Variants in CSKMT observed in about 807,000 individuals in gnomAD.
The protein encoded by CSKMT is citrate synthase lysine methyltransferase, also known as citrate synthase-lysine N-methyltransferase CSKMT, mitochondrial.
A neutral mutation model predicts 4.6 loss-of-function variants in CSKMT; 6 were observed. That is an observed-to-expected ratio of 1.31 (90% CI 0.72 to 2.59). The LOEUF (loss-of-function observed/expected upper bound fraction) is 2.59. CSKMT is among the 30% of genes most tolerant of loss of function. The probability of loss-of-function intolerance (pLI) is 0.00; values close to 1 mark genes in which losing one functional copy is unlikely to be tolerated. For missense variants in CSKMT, 328 were observed against 298.0 expected (o/e 1.10, Z -0.74); for synonymous variants, 142 against 128.9 (o/e 1.10, Z -0.69).
At position 62,667,595 on chromosome 11, in the gene CSKMT, A is replaced by T. The variant is rs1237842935; in HGVS notation, c.*544A>T. 1 of 1,614,162 alleles carries T rather than the reference A, an allele frequency of 6.2e-7. No individual in the cohort carries two copies. Among genetic ancestry groups the T allele is most frequent in the Admixed American group, 1.7e-5 (1 of 60,004 alleles). Reference sequence around the variant, plus strand: ...CTTCTACAAACACGGGAGCCTGTTGAGTCCCAGAAGGGACAGTGGTTGGTG... The same window carrying T: ...CTTCTACAAACACGGGAGCCTGTTGTGTCCCAGAAGGGACAGTGGTTGGTG... On this transcript the variant is annotated 3_prime_UTR_variant, in exon 3 of 3. Coordinates refer to ENST00000532971, the MANE Select transcript of CSKMT (RefSeq NM_001043229.2).
chr11:62,667,580 C>T lies in CSKMT; in HGVS notation c.*529C>T. 1 of 1,614,124 alleles carries T rather than the reference C, an allele frequency of 6.2e-7. No homozygotes were observed. The highest frequency in any genetic ancestry group is 8.5e-7 in the Non-Finnish European group (1 of 1,180,030). On this transcript the variant is annotated 3_prime_UTR_variant, in exon 3 of 3. Coordinates refer to ENST00000532971, the MANE Select transcript of CSKMT (RefSeq NM_001043229.2). The stretch of plus-strand genomic sequence containing the variant: ...TATTCCACAAAGCCACTTCTACAAA[C>T]ACGGGAGCCTGTTGAGTCCCAGAAG...
rs544901596 is a variant in CSKMT, at chr11:62,666,682, C to T, written c.354C>T (p.Ser118=). The change falls in exon 3 of 3, where the codon AGC becomes AGT. Residue 118 remains serine, a synonymous_variant. Transcript: ENST00000532971. ...FSPVAVAHMN[S]LLEGGPGQTP... is the part of the protein sequence containing the mutation. ...CTGTGGCTGTGGCCCACATGAATAG[C>T]CTCCTGGAGGGTGGCCCAGGCCAAA... is the stretch of plus-strand genomic sequence containing the variant. The T allele has an allele frequency of 1.5e-4, 236 of 1,614,106 alleles. 1 individual carries two copies. The South Asian group carries it at 2.5e-3, about 17-fold the overall frequency.
chr11:62,666,620 C>G lies in CSKMT; in HGVS notation c.292C>G (p.Pro98Ala). ...ATGTACAGGCCTCTACACCAAATCT[C>G]CACACCCAGTGGATGTGCTGGGGGT... ...SLCTGLYTKSPHPVDVLGVDF... is the reference protein window; with the variant it reads ...SLCTGLYTKSAHPVDVLGVDF... Residue 98 changes from proline (P) to alanine (A), a missense_variant, in exon 3 of 3, where the codon CCA becomes GCA. Pro to Ala is a conservative substitution (Grantham distance 27). Transcript: ENST00000532971. 2 of 1,614,194 alleles carry G rather than the reference C, an allele frequency of 1.2e-6. No individual in the cohort carries two copies. Among genetic ancestry groups the G allele is most frequent in the Non-Finnish European group, 1.7e-6 (2 of 1,180,038 alleles).
chr11:62,665,360 A>C lies in CSKMT; in HGVS notation c.-234+28A>C, dbSNP rs1371699587. On this transcript the variant is annotated intron_variant, in intron 1 of 2. Coordinates refer to ENST00000532971, the MANE Select transcript of CSKMT (RefSeq NM_001043229.2). ...AAGTGTGGTTTTAGCTGTAGTAGCCAGATTGGGCGGCCGGGAGTGGTGGGG... is the reference window on the plus strand; with the variant it reads ...AAGTGTGGTTTTAGCTGTAGTAGCCCGATTGGGCGGCCGGGAGTGGTGGGG... 4.5e-6 allele frequency: 4 copies of C among 898,058 alleles called. No individual in the cohort carries two copies. The Admixed American group carries it at 6.7e-5, about 15-fold the overall frequency. 55.6% of individuals were successfully genotyped at this position (898,058 alleles called of 1,614,324 possible).
rs1259037516 is a variant in CSKMT at position 62,666,384 on chromosome 11, C to CTT, written c.68-12_68-11insTT. ...ACATAGACCAAGTGACACCCTCCAA[C>CTT]CGTGCCCACAGGCTCACTGGCTGAT... On this transcript the variant is annotated splice_polypyrimidine_tract_variant and intron_variant, in intron 2 of 2. Coordinates refer to ENST00000532971, the MANE Select transcript of CSKMT (RefSeq NM_001043229.2). The CTT allele has an allele frequency of 6.2e-7, 1 of 1,606,276 alleles. No individual in the cohort carries two copies. The highest frequency in any genetic ancestry group is 8.5e-7 in the Non-Finnish European group (1 of 1,179,974).
chr11:62,665,365 G>T (rs1450134378), intron 1 of CSKMT, 33 bp downstream of exon 1: 1 of 934,910 alleles, frequency 1.1e-6, no homozygotes, highest in Non-Finnish European at 1.6e-6. Flanking sequence ...TAGCCAGATT[G>T]GGCGGCCGGG....
Position 62,666,377 on chromosome 11 carries a change from C to T in CSKMT, c.68-19C>T, listed in dbSNP as rs1565127288. 3 of 1,604,794 alleles carry T rather than the reference C, an allele frequency of 1.9e-6. No individual in the cohort carries two copies. The highest frequency in any genetic ancestry group is 2.2e-5 in the East Asian group (1 of 44,890). ...AGTGGCGACATAGACCAAGTGACAC[C>T]CTCCAACCGTGCCCACAGGCTCACT... On this transcript the variant is annotated intron_variant, in intron 2 of 2. Transcript: ENST00000532971.
Position 62,667,183 on chromosome 11 carries a change from A to G in CSKMT, c.*132A>G. 2 of 925,682 alleles carry G rather than the reference A, an allele frequency of 2.2e-6. No individual in the cohort carries two copies. The highest frequency in any genetic ancestry group is 3.3e-6 in the Non-Finnish European group (2 of 615,038). The allele number at this position is 925,682 out of a possible 1,614,324, so 57.3% of individuals were successfully genotyped here. A position where few individuals can be genotyped will look rare whatever the true frequency, so the allele number is the denominator to read the frequency against. ...TCCACATTTACTAGCTGGGTGCCAT[A>G]TTGCTGAATGTTTCTGTTCCCCAGT... On this transcript the variant is annotated 3_prime_UTR_variant, in exon 3 of 3. Coordinates refer to ENST00000532971, the MANE Select transcript of CSKMT (RefSeq NM_001043229.2).
In CSKMT at chr11:62,668,029, C is replaced by T; in HGVS notation, c.*978C>T. ...AGCTGCAATGGGCCATGATAAGCTG[C>T]TGCACTTGAGCTAAAAATTAATTTC... On this transcript the variant is annotated 3_prime_UTR_variant, in exon 3 of 3. Transcript: ENST00000532971. The T allele has an allele frequency of 3.2e-6, 1 of 311,060 alleles. No homozygotes were observed. The highest frequency in any genetic ancestry group is 6.0e-6 in the Non-Finnish European group (1 of 167,592). The allele number at this position is 311,060 out of a possible 1,614,324, so 19.3% of individuals were successfully genotyped here.
At position 62,666,850 on chromosome 11, in the gene CSKMT, G is replaced by C. The variant is rs1217896764; in HGVS notation, c.522G>C (p.Leu174=). ...GTWDAVARGG[L]PRAYQLLSEC... ...GGGATGCTGTTGCCCGGGGAGGTCTGCCTAGGGCTTACCAGCTTCTATCAG... is the reference window on the plus strand; with the variant it reads ...GGGATGCTGTTGCCCGGGGAGGTCTCCCTAGGGCTTACCAGCTTCTATCAG... Residue 174 remains leucine (L), a synonymous_variant, in exon 3 of 3, where the codon CTG becomes CTC. Coordinates refer to ENST00000532971, the MANE Select transcript of CSKMT (RefSeq NM_001043229.2). 1 of 1,614,184 alleles carries C rather than the reference G, an allele frequency of 6.2e-7. No individual in the cohort carries two copies. The highest frequency in any genetic ancestry group is 8.5e-7 in the Non-Finnish European group (1 of 1,180,032).
chr11:62,665,665 C>T lies in CSKMT; in HGVS notation c.-215C>T, dbSNP rs1429262249. On this transcript the variant is annotated 5_prime_UTR_variant, in exon 2 of 3. Coordinates refer to ENST00000532971, the MANE Select transcript of CSKMT (RefSeq NM_001043229.2). ...ATTTCAGGTCTGCGGACGCTGTATA[C>T]CCTCCTCCACTTCCCGCTGCAGCCA... is the stretch of plus-strand genomic sequence containing the variant. 8.8e-6 allele frequency: 13 copies of T among 1,469,878 alleles called. No individual in the cohort carries two copies. The highest frequency in any genetic ancestry group is 2.8e-5 in the African/African-American group (2 of 71,136). 91.1% of individuals were successfully genotyped at this position (1,469,878 alleles called of 1,614,324 possible). A position where few individuals can be genotyped will look rare whatever the true frequency, so the allele number is the denominator to read the frequency against.
rs776646553 is a variant in CSKMT at position 62,667,096 on chromosome 11, G to A, written c.*45G>A. On this transcript the variant is annotated 3_prime_UTR_variant, in exon 3 of 3. Coordinates refer to ENST00000532971, the MANE Select transcript of CSKMT (RefSeq NM_001043229.2). ...ACCCTAGTATTTCTGTGGGCAAGGA[G>A]AGGGCTGAAGAACTGTCTTTGCAAG... 9 of 1,512,710 alleles carry A rather than the reference G, an allele frequency of 5.9e-6. No homozygotes were observed. In the East Asian group the frequency reaches 2.0e-4, roughly 34 times the overall value. The allele number at this position is 1,512,710 out of a possible 1,614,324, so 93.7% of individuals were successfully genotyped here.
chr11:62,667,674 G>C lies in CSKMT; in HGVS notation c.*623G>C. 1 of 1,614,148 alleles carries C rather than the reference G, an allele frequency of 6.2e-7. No individual in the cohort carries two copies. The highest frequency in any genetic ancestry group is 8.5e-7 in the Non-Finnish European group (1 of 1,180,032). On this transcript the variant is annotated 3_prime_UTR_variant, in exon 3 of 3. Coordinates refer to ENST00000532971, the MANE Select transcript of CSKMT (RefSeq NM_001043229.2). The stretch of plus-strand genomic sequence containing the variant: ...TCCAACAAGCATCTTCTTCATCCTG[G>C]TCCTGCCCCCAGCTGAGTCCAGCGT...
Position 62,665,724 on chromosome 11 carries a change from G to A in CSKMT, c.-156G>A, listed in dbSNP as rs978527715. 6.8e-7 allele frequency: 1 copy of A among 1,463,662 alleles called. No individual in the cohort carries two copies. Among genetic ancestry groups the A allele is most frequent in the Admixed American group, 2.4e-5 (1 of 41,156 alleles). 90.7% of individuals were successfully genotyped at this position (1,463,662 alleles called of 1,614,324 possible). ...CGTTCCTACCATAGTCTGTGTCCGCGTTCTTTTTTCCGGGACTGCAGAGTT... is the reference window on the plus strand; with the variant it reads ...CGTTCCTACCATAGTCTGTGTCCGCATTCTTTTTTCCGGGACTGCAGAGTT... On this transcript the variant is annotated 5_prime_UTR_variant, in exon 2 of 3. Transcript: ENST00000532971.
In CSKMT at chr11:62,665,391, G is replaced by A. The variant is rs537400696; in HGVS notation, c.-234+59G>A. The stretch of plus-strand genomic sequence containing the variant: ...GGCGGCCGGGAGTGGTGGGGGTGCC[G>A]GGTGGAAGGCTCTGGGCGGGGTCTC... On this transcript the variant is annotated intron_variant, in intron 1 of 2. Transcript: ENST00000532971. 1.8e-5 allele frequency: 22 copies of A among 1,221,676 alleles called. No individual in the cohort carries two copies. In the South Asian group the frequency reaches 2.6e-4, roughly 14 times the overall value. The allele number at this position is 1,221,676 out of a possible 1,614,324, so 75.7% of individuals were successfully genotyped here. A position where few individuals can be genotyped will look rare whatever the true frequency, so the allele number is the denominator to read the frequency against.
rs1565126900 is a variant in CSKMT, at chr11:62,666,156, A to G, written c.67+210A>G. On this transcript the variant is annotated intron_variant, in intron 2 of 2. Transcript: ENST00000532971. Reference sequence around the variant, plus strand: ...TGGCCCAGGAGTTCGAGACCAACCTAGGGCAACATAGCGAGACCCTGTCTA... The same window carrying G: ...TGGCCCAGGAGTTCGAGACCAACCTGGGGCAACATAGCGAGACCCTGTCTA... 7.1e-6 allele frequency: 5 copies of G among 706,852 alleles called. No homozygotes were observed. The Admixed American group carries it at 1.1e-4, about 16-fold the overall frequency. 43.8% of individuals were successfully genotyped at this position (706,852 alleles called of 1,614,324 possible). A position where few individuals can be genotyped will look rare whatever the true frequency, so the allele number is the denominator to read the frequency against.
rs1429443084 is a variant in CSKMT at position 62,667,108 on chromosome 11, A to G, written c.*57A>G. 60 of 1,493,700 alleles carry G rather than the reference A, an allele frequency of 4.0e-5. No individual in the cohort carries two copies. Among genetic ancestry groups the G allele is most frequent in the Non-Finnish European group, 4.9e-5 (55 of 1,113,048 alleles). 92.5% of individuals were successfully genotyped at this position (1,493,700 alleles called of 1,614,324 possible). A position where few individuals can be genotyped will look rare whatever the true frequency, so the allele number is the denominator to read the frequency against. On this transcript the variant is annotated 3_prime_UTR_variant, in exon 3 of 3. Coordinates refer to ENST00000532971, the MANE Select transcript of CSKMT (RefSeq NM_001043229.2). ...CTGTGGGCAAGGAGAGGGCTGAAGA[A>G]CTGTCTTTGCAAGCTATCTGGCTGC...
chr11:62,667,133 CAA>C lies in CSKMT; in HGVS notation c.*84_*85del. The C allele has an allele frequency of 7.1e-7, 1 of 1,410,382 alleles. No homozygotes were observed. The highest frequency in any genetic ancestry group is 9.6e-7 in the Non-Finnish European group (1 of 1,041,276). The allele number at this position is 1,410,382 out of a possible 1,614,324, so 87.4% of individuals were successfully genotyped here. On this transcript the variant is annotated 3_prime_UTR_variant, in exon 3 of 3. Coordinates refer to ENST00000532971, the MANE Select transcript of CSKMT (RefSeq NM_001043229.2). ...ACTGTCTTTGCAAGCTATCTGGCTG[CAA>C]AGTGAGAATTTGAGTCCTGGCTTCC...
rs778202351 is a variant in CSKMT, at chr11:62,666,601, A to C, written c.273A>C (p.Thr91=). 1.2e-6 allele frequency: 2 copies of C among 1,614,138 alleles called. No homozygotes were observed. The highest frequency in any genetic ancestry group is 2.2e-5 in the South Asian group (2 of 91,090). ...DVGCGTSSLC[T]GLYTKSPHPV... ...GCTGTGGGACTTCCAGCCTATGTAC[A>C]GGCCTCTACACCAAATCTCCACACC... is the stretch of plus-strand genomic sequence containing the variant. Residue 91 remains threonine, a synonymous_variant, in exon 3 of 3, where the codon ACA becomes ACC. Transcript: ENST00000532971.
Sources: gnomAD v4.1 joint callset for allele counts on GRCh38, gnomAD v4.1.1 for gene constraint, MANE v1.5 for transcripts, NCBI Gene and HGNC (gene_info 2026-07-23, HGNC 2026-07-21) for gene names.